The following ITPR1 variants were observed in gnomAD, a reference collection of about 807,000 sequenced individuals.
ITPR1 encodes inositol 1,4,5-trisphosphate-gated calcium channel ITPR1.
ITPR1 carries 96 observed loss-of-function variants against 318.4 expected under a neutral mutation model. That is an observed-to-expected ratio of 0.30 (90% confidence interval 0.26 to 0.36). ITPR1 has a LOEUF of 0.36. Among genes scored for constraint, ITPR1 ranks in the 10% least tolerant of loss-of-function variants. The pLI, the probability that ITPR1 is intolerant of heterozygous loss-of-function variation, is 1.00. For synonymous variants in ITPR1, 1,312 were observed against 1,289.9 expected (o/e 1.02, Z -0.37); for missense variants, 2,440 against 3,460.2 (o/e 0.71, Z 7.40).
intron 54 of ITPR1, 67 bp from the exon 55 acceptor site, chr3:4,806,036 T>G (rs1169658613): frequency 4.5e-6 from 6 of 1,327,686 alleles, no homozygotes; most frequent in Non-Finnish European, 6.2e-6. Flanking sequence ...TGTGAGATGC[T>G]CTCGTTGCTC....
chr3:4,679,002 AG>A (rs1350595949), intron 24 of ITPR1, among the ~76,000 whole-genome samples: 2 of 152,194 alleles, frequency 1.3e-5, no homozygotes, highest in African/African-American at 2.4e-5. Context: ...ACAAGTGGTT[AG>A]GAGGCTGATT....
rs975096052 is a variant in ITPR1, at chr3:4,667,617, C to A, written c.1886+68C>A. The A allele has an allele frequency of 2.2e-5, 31 of 1,429,906 alleles. No homozygotes were observed. In the African/African-American group the frequency reaches 4.0e-4, roughly 18 times the overall value. 88.6% of individuals were successfully genotyped at this position (1,429,906 alleles called of 1,614,324 possible). A position where few individuals can be genotyped will look rare whatever the true frequency, so the allele number is the denominator to read the frequency against. ...GTAAGATGCAGGGACTTAGCTGGTG[C>A]TTTTTACTACGTTTCCTTGTGCTGC... On this transcript the variant is annotated intron_variant, in intron 18 of 61. Coordinates refer to ENST00000649015, the MANE Select transcript of ITPR1 (RefSeq NM_001378452.1).
At chr3:4,832,942 T>A (rs2050621329) in intron 60 of ITPR1, among the ~76,000 whole-genome samples, 1 of 152,114 alleles carries the variant, frequency 6.6e-6, no homozygotes, top group South Asian at 2.1e-4. Flanking sequence ...ACACACTCTT[T>A]AGACACTCAC....
chr3:4,694,190 A>T (rs11919257), intron 33 of ITPR1, among the ~76,000 whole-genome samples: 8,109 of 151,856 alleles, frequency 0.053, 766 homozygotes, highest in African/African-American at 0.19. Context: ...TTAAAAAAAA[A>T]AATAATGAAT....
intron 4 of ITPR1, among the ~76,000 whole-genome samples, chr3:4,615,886 T>C (rs937115256): frequency 6.6e-6 from 1 of 152,194 alleles, no homozygotes; most frequent in Non-Finnish European, 1.5e-5. Flanking sequence ...GCCTGGGGTG[T>C]TGTCAGCTCG....
chr3:4,559,408 T>C lies in ITPR1; in HGVS notation c.163+38314T>C, dbSNP rs139644675. ...TTTTAAAATTTTAATGGTTAAAAAGTATAGACAACTTTATATATTTTAAAA... is the reference window on the plus strand; with the variant it reads ...TTTTAAAATTTTAATGGTTAAAAAGCATAGACAACTTTATATATTTTAAAA... On this transcript the variant is annotated intron_variant, in intron 4 of 61. Transcript: ENST00000649015. 3.4e-3 allele frequency among the ~76,000 whole-genome samples: 520 copies of C among 152,336 alleles called. 1 individual carries two copies. Among genetic ancestry groups the C allele is most frequent in the Non-Finnish European group, 5.1e-3 (345 of 68,028 alleles).
At chr3:4,688,432 G>A (rs746650366) in intron 30 of ITPR1, 63 bp from the exon 31 acceptor site, 83 of 1,600,512 alleles carry the variant, frequency 5.2e-5, no homozygotes, top group Non-Finnish European at 6.8e-5. Flanking sequence ...GAGGTGTTGG[G>A]TATAGGAGAA....
At chr3:4,689,775 C>T (rs761812449) in intron 31 of ITPR1, among the ~76,000 whole-genome samples, 2 of 152,176 alleles carry the variant, frequency 1.3e-5, no homozygotes, top group Non-Finnish European at 2.9e-5. Context: ...GCAAAATTTT[C>T]TTACAAGGCA....
intron 3 of ITPR1, among the ~76,000 whole-genome samples, chr3:4,520,672 C>A (rs752943623): frequency 1.3e-5 from 2 of 152,228 alleles, no homozygotes; most frequent in Admixed American, 6.5e-5. Context: ...TCATATTCAC[C>A]TGGCACAAAG....
intron 44 of ITPR1, among the ~76,000 whole-genome samples, chr3:4,756,498 T>G (rs1175194233): frequency 6.6e-6 from 1 of 152,166 alleles, no homozygotes; most frequent in Non-Finnish European, 1.5e-5. Context: ...CACCCTCAAG[T>G]AGACCTCAGT....
chr3:4,764,553 C>T (rs1393807462), intron 44 of ITPR1, among the ~76,000 whole-genome samples: 1 of 152,154 alleles, frequency 6.6e-6, no homozygotes, highest in East Asian at 1.9e-4. Flanking sequence ...AATTCAGAGG[C>T]CTTGATTGCT....
chr3:4,630,471 T>C (rs2092978873), intron 5 of ITPR1, among the ~76,000 whole-genome samples: 1 of 152,000 alleles, frequency 6.6e-6, no homozygotes, highest in South Asian at 2.1e-4. Flanking sequence ...GTGGACTGTC[T>C]CTGTTCAAAT....
At chr3:4,696,911 T>A (rs1023789975) in intron 33 of ITPR1, among the ~76,000 whole-genome samples, 2 of 152,196 alleles carry the variant, frequency 1.3e-5, no homozygotes, top group Non-Finnish European at 2.9e-5. Context: ...TGTTCTGTGG[T>A]CAGAGGTTTT....
At chr3:4,657,442 C>A (rs1206388986) in intron 12 of ITPR1, among the ~76,000 whole-genome samples, 1 of 142,122 alleles carries the variant, frequency 7.0e-6, no homozygotes, top group Non-Finnish European at 1.5e-5. Flanking sequence ...ACGGTCATCT[C>A]TTAGTGTAAC....
At chr3:4,661,983 A>G (rs2093844696) in intron 14 of ITPR1, 99 bp from the exon 15 acceptor site, 1 of 1,017,000 alleles carries the variant, frequency 9.8e-7, no homozygotes, top group African/African-American at 1.6e-5. Flanking sequence ...TAGCTCTAGT[A>G]TCTTGGGATC....
At chr3:4,781,296 G>T (rs112699292) in intron 49 of ITPR1, among the ~76,000 whole-genome samples, 2,588 of 152,304 alleles carry the variant, frequency 0.017, 39 homozygotes, top group South Asian at 0.048. Flanking sequence ...CTTCAAAGAA[G>T]ATTATAATTT....
chr3:4,684,390 C>T (rs748022758), intron 29 of ITPR1, 44 bp downstream of exon 29: 1 of 1,365,034 alleles, frequency 7.3e-7, no homozygotes, highest in Non-Finnish European at 1.0e-6. Flanking sequence ...TTTATGAATT[C>T]TCTAAGGAGC....
chr3:4,768,902 T>C, intron 46 of ITPR1, 138 bp downstream of exon 46: 1 of 717,708 alleles, frequency 1.4e-6, no homozygotes, highest in Non-Finnish European at 2.2e-6. Flanking sequence ...TTTTTCCTTT[T>C]TCTTTTTTCT....
chr3:4,501,259 C>G (rs1209668048), intron 2 of ITPR1, among the ~76,000 whole-genome samples: 1 of 151,896 alleles, frequency 6.6e-6, no homozygotes, highest in Non-Finnish European at 1.5e-5. Flanking sequence ...CAACAAAATT[C>G]TTTGTCTCAC....
Sources: gnomAD v4.1 joint callset for allele counts (sites outside exome capture counted in the v4.1 genomes callset) on GRCh38, gnomAD v4.1.1 for gene constraint, MANE v1.5 for transcripts, NCBI Gene and HGNC (gene_info 2026-07-23, HGNC 2026-07-21) for gene names.